The following DIP2C variants were observed in gnomAD, a reference collection of about 807,000 sequenced individuals.
The protein encoded by DIP2C is DIP2 acetate--CoA ligase C (putative).
Under a neutral mutation model 192.4 loss-of-function variants are expected in DIP2C, and 33 were observed. The observed-to-expected ratio is 0.17, with a 90% CI of 0.13 to 0.23. The LOEUF is 0.23. Among genes scored for constraint, DIP2C ranks in the 10% least tolerant of loss-of-function variants. The probability of loss-of-function intolerance (pLI) is 1.00; values close to 1 mark genes in which losing one functional copy is unlikely to be tolerated. For synonymous variants in DIP2C, 979 were observed against 864.1 expected (o/e 1.13, Z -2.33); for missense variants, 1,537 against 2,110.1 (o/e 0.73, Z 5.32).
chr10:399,120 G>A lies in DIP2C; in HGVS notation c.1249C>T (p.Leu417Phe). The A allele has an allele frequency of 3.7e-6, 6 of 1,613,684 alleles. No individual in the cohort carries two copies. The highest frequency in any genetic ancestry group is 5.1e-6 in the Non-Finnish European group (6 of 1,179,908). Residue 417 changes from leucine (L) to phenylalanine (F), a missense_variant, in exon 10 of 37, where the codon CTC becomes TTC. Physicochemically the swap from Leu to Phe is conservative, Grantham distance 22. Coordinates refer to ENST00000280886, the MANE Select transcript of DIP2C (RefSeq NM_014974.3). ...EVVPVPIEVP[L>F]TRKDAGSQQI... The stretch of plus-strand genomic sequence containing the variant: ...GGCGCATTCCTTACCTTCCTGGTGA[G>A]CGGCACCTCGATGGGCACGGGGACC...
chr10:618,857 T>C (rs1044778024), intron 1 of DIP2C, among the ~76,000 whole-genome samples: 4 of 152,200 alleles, frequency 2.6e-5, no homozygotes, highest in East Asian at 1.9e-4. Context: ...CCAGAAACAC[T>C]GTCCCTCGCC....
intron 1 of DIP2C, among the ~76,000 whole-genome samples, chr10:687,902 G>A (rs1202159747): frequency 2.6e-5 from 4 of 152,220 alleles, no homozygotes; most frequent in Non-Finnish European, 1.5e-5. Context: ...ACGCTCTGCT[G>A]ACCTGGATGG....
intron 3 of DIP2C, among the ~76,000 whole-genome samples, chr10:471,140 C>T (rs548241318): frequency 1.9e-4 from 29 of 152,266 alleles, no homozygotes; most frequent in Non-Finnish European, 3.8e-4. Flanking sequence ...TCATTCCATC[C>T]GCACACATTT....
intron 31 of DIP2C, among the ~76,000 whole-genome samples, chr10:314,636 G>A (rs1956699883): frequency 6.6e-6 from 1 of 152,176 alleles, no homozygotes; most frequent in Non-Finnish European, 1.5e-5. Context: ...TGGGTCTGGC[G>A]ATACGAGTCC....
intron 1 of DIP2C, among the ~76,000 whole-genome samples, chr10:571,778 G>A (rs1409792015): frequency 2.6e-5 from 4 of 152,284 alleles, no homozygotes; most frequent in African/African-American, 9.6e-5. Context: ...TGTGACCAGG[G>A]GTAGCAACAT....
chr10:567,921 C>T (rs950398510), intron 1 of DIP2C, among the ~76,000 whole-genome samples: 1 of 152,218 alleles, frequency 6.6e-6, no homozygotes, highest in Non-Finnish European at 1.5e-5. Context: ...TGAGCAATCG[C>T]GCCTGGCCGA....
At chr10:411,630 G>GT (rs1463539614) in intron 8 of DIP2C, among the ~76,000 whole-genome samples, 1 of 152,056 alleles carries the variant, frequency 6.6e-6, no homozygotes, top group Non-Finnish European at 1.5e-5. Context: ...AAATTACTCA[G>GT]TATTAGAACA....
At chr10:574,702 GT>G (rs1159300978) in intron 1 of DIP2C, among the ~76,000 whole-genome samples, 1 of 152,206 alleles carries the variant, frequency 6.6e-6, no homozygotes, top group Non-Finnish European at 1.5e-5. Flanking sequence ...CCACAGAGGT[GT>G]TTATCCAGGC....
chr10:517,108 T>C (rs1342230809), intron 1 of DIP2C, among the ~76,000 whole-genome samples: 1 of 151,878 alleles, frequency 6.6e-6, no homozygotes, highest in Admixed American at 6.5e-5. Context: ...AACACGGACT[T>C]GGCCCCTCCA....
chr10:474,431 C>T (rs1223246859), intron 2 of DIP2C, among the ~76,000 whole-genome samples: 1 of 152,222 alleles, frequency 6.6e-6, no homozygotes, highest in African/African-American at 2.4e-5. Flanking sequence ...CTTTCCCATA[C>T]CTTCCTGCCC....
intron 1 of DIP2C, among the ~76,000 whole-genome samples, chr10:657,822 C>T (rs1183323122): frequency 6.6e-6 from 1 of 150,890 alleles, no homozygotes; most frequent in African/African-American, 2.4e-5. Flanking sequence ...TGCCGCTGGA[C>T]TTGACCCTGG....
intron 1 of DIP2C, among the ~76,000 whole-genome samples, chr10:575,617 A>C (rs114840120): frequency 8.5e-5 from 13 of 152,222 alleles, no homozygotes; most frequent in Admixed American, 6.5e-4. Flanking sequence ...AACCCAGAAA[A>C]GAACACAAGC....
rs117856642 is a variant in DIP2C, at chr10:368,966, G to C, written c.2131+528C>G. On this transcript the variant is annotated intron_variant, in intron 18 of 36. Transcript: ENST00000280886. ...CCTGGGCGCTCCTCGTGGGGCTGGT[G>C]GGGAGGCACGGCGGGCCCTGCAGCT... is the stretch of plus-strand genomic sequence containing the variant. Among the ~76,000 whole-genome samples the C allele has an allele frequency of 1.2e-3, 176 of 152,362 alleles. No homozygotes were observed. In the East Asian group the frequency reaches 0.013, roughly 12 times the overall value.
At position 390,249 on chromosome 10, in the gene DIP2C, C is replaced by G. The variant is rs746945585; in HGVS notation, c.1494+15G>C. ...CCACACTCAGGGCCAGTGGAGGAGG[C>G]CAAGGCTGACTCACCTCAATATACG... On this transcript the variant is annotated intron_variant, in intron 12 of 36. Coordinates refer to ENST00000280886, the MANE Select transcript of DIP2C (RefSeq NM_014974.3). 2 of 1,612,682 alleles carry G rather than the reference C, an allele frequency of 1.2e-6. No homozygotes were observed. The highest frequency in any genetic ancestry group is 2.2e-5 in the South Asian group (2 of 91,028).
At chr10:538,392 G>T (rs1011681177) in intron 1 of DIP2C, among the ~76,000 whole-genome samples, 4 of 152,160 alleles carry the variant, frequency 2.6e-5, no homozygotes, top group African/African-American at 9.7e-5. Flanking sequence ...TGGCCTCAAG[G>T]TATCCTTCAG....
Position 363,315 on chromosome 10 carries a change from C to T in DIP2C, c.2478-4G>A, listed in dbSNP as rs374710722. On this transcript the variant is annotated splice_region_variant and splice_polypyrimidine_tract_variant and intron_variant, in intron 20 of 36. Coordinates refer to ENST00000280886, the MANE Select transcript of DIP2C (RefSeq NM_014974.3). This position sits in a 1 kb window ranked among gnomAD's most constrained non-coding sequence, Gnocchi z 5.4. ...GGTCACCGAGAACACGGCTATCCTG[C>T]GGGGACACAGGAGCATGGTGAGCAC... 4 of 1,609,778 alleles carry T rather than the reference C, an allele frequency of 2.5e-6. No individual in the cohort carries two copies. Among genetic ancestry groups the T allele is most frequent in the African/African-American group, 2.7e-5 (2 of 74,892 alleles).
chr10:451,438 G>A (rs772109409), intron 3 of DIP2C, among the ~76,000 whole-genome samples: 39 of 152,192 alleles, frequency 2.6e-4, no homozygotes, highest in Admixed American at 1.9e-3. Flanking sequence ...CACAACCACC[G>A]CAACCCAGCT....
chr10:584,131 A>G (rs1242458720), intron 1 of DIP2C, among the ~76,000 whole-genome samples: 1 of 152,228 alleles, frequency 6.6e-6, no homozygotes, highest in East Asian at 1.9e-4. Context: ...GACTACTTCT[A>G]AATCCTGCTA....
At chr10:520,217 C>T (rs976698881) in intron 1 of DIP2C, among the ~76,000 whole-genome samples, 2 of 152,156 alleles carry the variant, frequency 1.3e-5, no homozygotes, top group African/African-American at 2.4e-5. Context: ...AGTTTCCACA[C>T]GGGCCTTCAA....
Sources: gnomAD v4.1 joint callset for allele counts (sites outside exome capture counted in the v4.1 genomes callset) on GRCh38, gnomAD v4.1.1 for gene constraint, Gnocchi (gnomAD v3.1) non-coding constraint, MANE v1.5 for transcripts, NCBI Gene and HGNC (gene_info 2026-07-23, HGNC 2026-07-21) for gene names.